Variants in CEP350 observed in about 807,000 individuals in gnomAD.
CEP350 encodes centrosome-associated protein 350.
A neutral mutation model predicts 331.8 loss-of-function variants in CEP350; 126 were observed. That is an observed-to-expected ratio of 0.38 (90% CI 0.33 to 0.44). CEP350 has a LOEUF of 0.44. CEP350 is among the 20% of genes least tolerant of loss of function. The pLI, the probability that CEP350 is intolerant of heterozygous loss-of-function variation, is 1.00. For missense variants in CEP350, 3,406 were observed against 3,634.6 expected (o/e 0.94, Z 1.62); for synonymous variants, 1,200 against 1,259.5 (o/e 0.95, Z 1.00).
At chr1:180,050,203 T>G (rs758165807) in intron 22 of CEP350, among the ~76,000 whole-genome samples, 6 of 152,244 alleles carry the variant, frequency 3.9e-5, no homozygotes, top group Admixed American at 2.6e-4. Flanking sequence ...AGGTGTGATC[T>G]GTGAAAGAAA....
Position 180,036,112 on chromosome 1 carries a change from C to T in CEP350, c.3947-814C>T, listed in dbSNP as rs550471196. Among the ~76,000 whole-genome samples, 145 of 152,196 alleles carry T rather than the reference C, an allele frequency of 9.5e-4. 2 individuals carry two copies. Among genetic ancestry groups the T allele is most frequent in the African/African-American group, 2.7e-3 (112 of 41,518 alleles). On this transcript the variant is annotated intron_variant, in intron 16 of 37. Coordinates refer to ENST00000367607, the MANE Select transcript of CEP350 (RefSeq NM_014810.5). ...TCAGTGGAGGAAATAACTGCAGATA[C>T]GGTGGAAATAGCAAGAGAACTAGAA...
In CEP350 at chr1:179,990,511, G is replaced by C; in HGVS notation, c.125G>C (p.Arg42Thr). The change falls in exon 4 of 38, where the codon AGA (arginine) becomes ACA (threonine). Residue 42 changes from arginine to threonine, a missense_variant. Coordinates refer to ENST00000367607, the MANE Select transcript of CEP350 (RefSeq NM_014810.5). ...ATGATGGTGTTTAAACTTTAGCTGA[G>C]ACACATTGAAAATAAATTAGAAGTA... ...DALSQTKAAL[R>T]HIENKLEVAP... The C allele has an allele frequency of 6.4e-7, 1 of 1,561,162 alleles. No individual in the cohort carries two copies. The highest frequency in any genetic ancestry group is 8.8e-7 in the Non-Finnish European group (1 of 1,142,598).
rs147012929 is a variant in CEP350, at chr1:180,113,699, CTT to C, written c.*2542_*2543del. 2.0e-4 allele frequency: 31 copies of C among 152,100 alleles called. No homozygotes were observed. Among genetic ancestry groups the C allele is most frequent in the Admixed American group, 1.5e-3 (23 of 15,270 alleles). 9.4% of individuals were successfully genotyped at this position (152,100 alleles called of 1,614,324 possible). A position where few individuals can be genotyped will look rare whatever the true frequency, so the allele number is the denominator to read the frequency against. ...CCAGCCACTCGTTCCATATTGGTAT[CTT>C]TTTAAATCAGCTCTGCCTCTTAATC... On this transcript the variant is annotated 3_prime_UTR_variant, in exon 38 of 38. Coordinates refer to ENST00000367607, the MANE Select transcript of CEP350 (RefSeq NM_014810.5).
chr1:180,088,256 T>G (rs150616174), intron 32 of CEP350, among the ~76,000 whole-genome samples: 19 of 152,304 alleles, frequency 1.2e-4, no homozygotes, highest in African/African-American at 4.6e-4. Context: ...ATGCAGTCAG[T>G]AAGCAAATAC....
Position 180,074,677 on chromosome 1 carries a change from A to G in CEP350, c.5568-345A>G, listed in dbSNP as rs576092177. Among the ~76,000 whole-genome samples the G allele has an allele frequency of 2.2e-3, 279 of 128,308 alleles. 2 individuals carry two copies. The highest frequency in any genetic ancestry group is 4.3e-3 in the Non-Finnish European group (228 of 52,700). The allele number at this position is 128,308 out of a possible 152,430, so 84.2% of individuals were successfully genotyped here. ...TGAGCCTTCAGAATACATTCCTTAC[A>G]TCTTCTGTTATGGAAAAGAATAACC... On this transcript the variant is annotated intron_variant, in intron 27 of 37. Coordinates refer to ENST00000367607, the MANE Select transcript of CEP350 (RefSeq NM_014810.5).
At position 179,955,162 on chromosome 1, in the gene CEP350, G is replaced by T; in HGVS notation, c.-14+20G>T. 1.4e-6 allele frequency: 2 copies of T among 1,411,936 alleles called. No homozygotes were observed. The highest frequency in any genetic ancestry group is 1.9e-6 in the Non-Finnish European group (2 of 1,076,064). 87.5% of individuals were successfully genotyped at this position (1,411,936 alleles called of 1,614,324 possible). On this transcript the variant is annotated intron_variant, in intron 1 of 37. Transcript: ENST00000367607. Reference sequence around the variant, plus strand: ...TCTCAGGTGAGCTCCTGTAGGACCTGGCTGGGACCGCGGAGTCTCGCTCAG... The same window carrying T: ...TCTCAGGTGAGCTCCTGTAGGACCTTGCTGGGACCGCGGAGTCTCGCTCAG...
chr1:180,062,218 A>T lies in CEP350; in HGVS notation c.5263-2A>T. 1 of 1,607,122 alleles carries T rather than the reference A, an allele frequency of 6.2e-7. No individual in the cohort carries two copies. On this transcript the variant is annotated splice_acceptor_variant, in intron 25 of 37. Coordinates refer to ENST00000367607, the MANE Select transcript of CEP350 (RefSeq NM_014810.5). LOFTEE classifies it high-confidence loss of function. ...TCCCTCTCTTAACTCTTTAAACCTT[A>T]GGCAGAAATAAAACGTCTTCAAGAA... is the stretch of plus-strand genomic sequence containing the variant.
At position 180,111,021 on chromosome 1, in the gene CEP350, G is replaced by T; in HGVS notation, c.9214G>T (p.Ala3072Ser). The T allele has an allele frequency of 6.2e-7, 1 of 1,613,888 alleles. No individual in the cohort carries two copies. The highest frequency in any genetic ancestry group is 2.2e-5 in the East Asian group (1 of 44,874). ...ILVQELHEEE[A>S]QWVNYDEDEL... Reference sequence around the variant, plus strand: ...GGTTCAGGAGCTCCATGAGGAGGAGGCACAGTGGGTGAACTATGATGAGGA... The same window carrying T: ...GGTTCAGGAGCTCCATGAGGAGGAGTCACAGTGGGTGAACTATGATGAGGA... The change falls in exon 38 of 38, where the codon GCA (alanine) becomes TCA (serine). Residue 3072 changes from alanine (A) to serine (S), a missense_variant. Ala to Ser is a moderately conservative substitution (Grantham distance 99). Transcript: ENST00000367607.
intron 15 of CEP350, among the ~76,000 whole-genome samples, chr1:180,032,544 C>T (rs1471912591): frequency 6.6e-6 from 1 of 152,006 alleles, no homozygotes; most frequent in South Asian, 2.1e-4. Context: ...ATCTAGATTT[C>T]CCCTTCCCTA....
At chr1:179,994,319 AT>A (rs1163850586) in intron 5 of CEP350, among the ~76,000 whole-genome samples, 3 of 152,164 alleles carry the variant, frequency 2.0e-5, no homozygotes, top group African/African-American at 4.8e-5. Flanking sequence ...TTAGAACTAA[AT>A]TATTTTAACT....
rs762385931 is a variant in CEP350, at chr1:180,096,135, C to G, written c.9017C>G (p.Ser3006Cys). 2 of 1,568,728 alleles carry G rather than the reference C, an allele frequency of 1.3e-6. No homozygotes were observed. Among genetic ancestry groups the G allele is most frequent in the African/African-American group, 1.3e-5 (1 of 74,160 alleles). ...PVWMKPCRIN[S>C]SYFRRVKNPN... Reference sequence around the variant, plus strand: ...TGGATGAAGCCATGTAGAATCAACTCTAGTTATTTCCGACGAGTGAAAAAT... The same window carrying G: ...TGGATGAAGCCATGTAGAATCAACTGTAGTTATTTCCGACGAGTGAAAAAT... The change falls in exon 36 of 38, where the codon TCT becomes TGT. Residue 3006 changes from serine (S) to cysteine (C), a missense_variant. Transcript: ENST00000367607.
At chr1:180,074,466 A>G (rs1430382789) in intron 27 of CEP350, among the ~76,000 whole-genome samples, 4 of 152,232 alleles carry the variant, frequency 2.6e-5, no homozygotes, top group Non-Finnish European at 4.4e-5. Context: ...TTGACATTGT[A>G]TCTCTTAGGT....
In CEP350 at chr1:180,020,327, T is replaced by C; in HGVS notation, c.2553T>C (p.Ile851=). 6.2e-7 allele frequency: 1 copy of C among 1,613,920 alleles called. No homozygotes were observed. The highest frequency in any genetic ancestry group is 8.5e-7 in the Non-Finnish European group (1 of 1,179,894). Residue 851 remains isoleucine (I), a synonymous_variant, in exon 12 of 38, where the codon ATT becomes ATC. Coordinates refer to ENST00000367607, the MANE Select transcript of CEP350 (RefSeq NM_014810.5). ...CCAAGAAATTAGCTGGGGCCAGCAT[T>C]AACTATGGGTCAGCATGGAACACTG... ...SEAKKLAGAS[I]NYGSAWNTEY...
At chr1:180,029,803 A>T (rs1216412605) in intron 14 of CEP350, among the ~76,000 whole-genome samples, 1 of 152,110 alleles carries the variant, frequency 6.6e-6, no homozygotes, top group South Asian at 2.1e-4. Context: ...TAAAATCTAT[A>T]CCCATTCAAT....
Position 180,014,503 on chromosome 1 carries a change from C to A in CEP350, c.2050C>A (p.Gln684Lys), listed in dbSNP as rs1476789784. Residue 684 changes from glutamine to lysine, a missense_variant and splice_region_variant, in exon 10 of 38, where the codon CAG becomes AAG. Physicochemically the swap from Gln to Lys is moderately conservative, Grantham distance 53. Transcript: ENST00000367607. ...TCATCAACATGTTACGCAGGAAACA[C>A]AGGTAATAGTAGTGACATATACAAA... is the stretch of plus-strand genomic sequence containing the variant. The part of the protein sequence containing the change: ...PSHQHVTQET[Q>K]AKPGYQPSGE... The A allele has an allele frequency of 1.3e-5, 21 of 1,599,634 alleles. No homozygotes were observed. Among genetic ancestry groups the A allele is most frequent in the Non-Finnish European group, 1.8e-5 (21 of 1,174,676 alleles).
intron 25 of CEP350, among the ~76,000 whole-genome samples, chr1:180,059,414 C>G (rs1484048236): frequency 1.3e-5 from 2 of 152,142 alleles, no homozygotes; most frequent in African/African-American, 4.8e-5. Context: ...CTTCATGCCA[C>G]TTACTTGCAG....
intron 8 of CEP350, among the ~76,000 whole-genome samples, chr1:180,011,135 G>T (rs1211628532): frequency 6.6e-6 from 1 of 151,900 alleles, no homozygotes; most frequent in Non-Finnish European, 1.5e-5. Context: ...GAATTTTTAT[G>T]ATGAGGGCCA....
Position 179,983,094 on chromosome 1 carries a change from G to A in CEP350, c.-13-3075G>A, listed in dbSNP as rs551647216. On this transcript the variant is annotated intron_variant, in intron 1 of 37. Transcript: ENST00000367607. ...GTGAGCCACCGCGCCCAGCCAAAAT[G>A]AGTTAATTTCTTAAACTGTGTTGGC... Among the ~76,000 whole-genome samples the A allele has an allele frequency of 3.3e-5, 5 of 151,878 alleles. No homozygotes were observed. In the East Asian group the frequency reaches 9.8e-4, roughly 30 times the overall value.
At chr1:180,026,682 C>T (rs373155851) in intron 14 of CEP350, among the ~76,000 whole-genome samples, 89 of 152,296 alleles carry the variant, frequency 5.8e-4, no homozygotes, top group African/African-American at 2.0e-3. Context: ...ATCAATTTGA[C>T]TACTCTGCGT....
Sources: gnomAD v4.1 joint callset for allele counts (sites outside exome capture counted in the v4.1 genomes callset) on GRCh38, gnomAD v4.1.1 for gene constraint, MANE v1.5 for transcripts, NCBI Gene and HGNC (gene_info 2026-07-23, HGNC 2026-07-21) for gene names.